The following RP1 variants were observed in gnomAD, a reference collection of about 807,000 sequenced individuals.
The protein encoded by RP1 is oxygen-regulated protein 1.
Under a neutral mutation model 14.8 loss-of-function variants are expected in RP1, and 16 were observed. That is an observed-to-expected ratio of 1.08 (90% CI 0.73 to 1.65). RP1 has a LOEUF of 1.65. Ranked by LOEUF, RP1 falls within the 40% of genes most tolerant of loss-of-function variation. The pLI is 0.00. For missense variants in RP1, 2,631 were observed against 2,535.0 expected (o/e 1.04, Z -0.81); for synonymous variants, 876 against 883.6 (o/e 0.99, Z 0.15).
intron 22 of RP1, among the ~76,000 whole-genome samples, chr8:54,766,630 C>G (rs536267027): frequency 6.6e-6 from 1 of 152,278 alleles, no homozygotes; most frequent in African/African-American, 2.4e-5. Flanking sequence ...AAATATATCT[C>G]AGACTAAATA....
Position 54,626,534 on chromosome 8 carries a change from T to C in RP1, c.2652T>C (p.Ser884=), listed in dbSNP as rs761661630. 16 of 1,613,814 alleles carry C rather than the reference T, an allele frequency of 9.9e-6. No homozygotes were observed. In the South Asian group the frequency reaches 1.8e-4, roughly 18 times the overall value. ...GDKVKASAIL[S]KQHATTRANS... ...AAGTGAAAGCAAGTGCTATTTTAAG[T>C]AAACAACATGCTACAACCAGGGCAA... The change falls in exon 4 of 4, where the codon AGT becomes AGC. Residue 884 remains serine, a synonymous_variant. Transcript: ENST00000220676.
chr8:54,632,683 A>G (rs887977567), downstream of RP1, among the ~76,000 whole-genome samples: 9 of 152,078 alleles, frequency 5.9e-5, no homozygotes, highest in African/African-American at 2.2e-4. Context: ...TAGTTTTTTT[A>G]TATTTTACGA....
chr8:54,809,731 T>G (rs533895437), intron 24 of RP1, among the ~76,000 whole-genome samples: 1 of 152,350 alleles, frequency 6.6e-6, no homozygotes, highest in South Asian at 2.1e-4. Flanking sequence ...AAGGACTACA[T>G]GCATGCCATT....
chr8:54,647,331 T>C (rs1184143162), intron 3 of RP1, among the ~76,000 whole-genome samples: 3 of 152,006 alleles, frequency 2.0e-5, no homozygotes, highest in Non-Finnish European at 4.4e-5. Context: ...GGAGAATCAC[T>C]TGAACCCAGG....
intron 16 of RP1, among the ~76,000 whole-genome samples, chr8:54,721,845 A>C (rs955477657): frequency 1.3e-5 from 2 of 152,248 alleles, no homozygotes; most frequent in Non-Finnish European, 2.9e-5. Flanking sequence ...TCAAAATACA[A>C]AATAATACTT....
intron 1 of RP1, among the ~76,000 whole-genome samples, chr8:54,590,305 G>A (rs2129300560): frequency 6.6e-6 from 1 of 152,166 alleles, no homozygotes; most frequent in Middle Eastern, 3.4e-3. Flanking sequence ...AAACATTCCA[G>A]CAAAGAGCCG....
intron 22 of RP1, among the ~76,000 whole-genome samples, chr8:54,765,609 G>A (rs1013989640): frequency 1.3e-5 from 2 of 152,210 alleles, no homozygotes; most frequent in Admixed American, 6.5e-5. Flanking sequence ...CCTGAGTAGA[G>A]TACGTTTCGC....
chr8:54,746,453 G>C (rs1422454835), intron 19 of RP1, among the ~76,000 whole-genome samples: 5 of 152,124 alleles, frequency 3.3e-5, no homozygotes, highest in Non-Finnish European at 7.4e-5. Context: ...CAACTGTGCT[G>C]TCTAGCGTCC....
At chr8:54,797,589 T>C (rs1417797425) in intron 24 of RP1, among the ~76,000 whole-genome samples, 2 of 151,696 alleles carry the variant, frequency 1.3e-5, no homozygotes, top group Non-Finnish European at 2.9e-5. Flanking sequence ...CTCAGTCCAC[T>C]GCATGTGTTA....
chr8:54,611,041 G>T (rs1473685167), intron 1 of RP1, among the ~76,000 whole-genome samples: 1 of 152,044 alleles, frequency 6.6e-6, no homozygotes, highest in Non-Finnish European at 1.5e-5. Context: ...TTTCCCTTCA[G>T]CACTTTGAAT....
chr8:54,756,355 A>G (rs1251733296), intron 21 of RP1, among the ~76,000 whole-genome samples: 1 of 152,168 alleles, frequency 6.6e-6, no homozygotes, highest in Non-Finnish European at 1.5e-5. Flanking sequence ...GCCTGAAATT[A>G]AGTTTGGGGA....
At chr8:54,593,714 C>T (rs1014586422) in intron 1 of RP1, among the ~76,000 whole-genome samples, 2 of 152,190 alleles carry the variant, frequency 1.3e-5, no homozygotes, top group Admixed American at 6.5e-5. Context: ...AAGGGTAGGG[C>T]CGTCAATGAC....
At chr8:54,683,519 TTTCC>T (rs1031167583) in intron 12 of RP1, among the ~76,000 whole-genome samples, 14 of 152,146 alleles carry the variant, frequency 9.2e-5, no homozygotes, top group African/African-American at 3.4e-4. Flanking sequence ...GATCCTTCAC[TTTCC>T]TTGTTAGCTG....
chr8:54,645,261 G>T (rs1806522056), intron 3 of RP1, among the ~76,000 whole-genome samples: 1 of 152,106 alleles, frequency 6.6e-6, no homozygotes, highest in Non-Finnish European at 1.5e-5. Flanking sequence ...GAATTTCGGG[G>T]ATATATGGTA....
At chr8:54,617,020 C>A (rs1216010595) in intron 1 of RP1, among the ~76,000 whole-genome samples, 1 of 152,202 alleles carries the variant, frequency 6.6e-6, no homozygotes, top group Non-Finnish European at 1.5e-5. Context: ...TGAAAGTATG[C>A]ATGATAGCTC....
chr8:54,720,062 G>A (rs1414971081), intron 15 of RP1: 1 of 1,223,158 alleles, frequency 8.2e-7, no homozygotes. Flanking sequence ...CTTTTAAAAC[G>A]ACTGGTTTTA....
At position 54,642,360 on chromosome 8, in the gene RP1, T is replaced by G. The variant is rs184399962; in HGVS notation, c.788-6625T>G. Reference sequence around the variant, plus strand: ...AGTTATATAGCATGTAGTAAAAAAATTAGATAGTGTAGGCAGGTATTAAAT... The same window carrying G: ...AGTTATATAGCATGTAGTAAAAAAAGTAGATAGTGTAGGCAGGTATTAAAT... On this transcript the variant is annotated intron_variant, in intron 3 of 22. Coordinates refer to the RP1 transcript ENST00000636932. 8.1e-4 allele frequency among the ~76,000 whole-genome samples: 124 copies of G among 152,248 alleles called. 1 individual carries two copies. Among genetic ancestry groups the G allele is most frequent in the South Asian group, 3.5e-3 (17 of 4,824 alleles).
intron 28 of RP1, among the ~76,000 whole-genome samples, chr8:54,866,762 G>A (rs1396893): frequency 0.54 from 81,958 of 151,892 alleles, 22,406 homozygotes; most frequent in East Asian, 0.75. Flanking sequence ...CCCCACATGG[G>A]AACATGGGAA....
In RP1 at chr8:54,752,414, C is replaced by T. The variant is rs890373040; in HGVS notation, c.2809-2389C>T. ...GGAAATTGTCAGGACCACCTCCTTCCACCATGCAGTTCGAAAACCGTCACA... is the reference window on the plus strand; with the variant it reads ...GGAAATTGTCAGGACCACCTCCTTCTACCATGCAGTTCGAAAACCGTCACA... On this transcript the variant is annotated intron_variant, in intron 19 of 22. Coordinates refer to the RP1 transcript ENST00000636932. 3.6e-4 allele frequency among the ~76,000 whole-genome samples: 55 copies of T among 152,320 alleles called. No individual in the cohort carries two copies. In the Middle Eastern group the frequency reaches 0.01, roughly 28 times the overall value.
Sources: gnomAD v4.1 joint callset for allele counts (sites outside exome capture counted in the v4.1 genomes callset) on GRCh38, gnomAD v4.1.1 for gene constraint, MANE v1.5 for transcripts, NCBI Gene and HGNC (gene_info 2026-07-23, HGNC 2026-07-21) for gene names.